The following CHRDL1 variants were observed in gnomAD, a reference collection of about 807,000 sequenced individuals.
The protein encoded by CHRDL1 is chordin like 1.
CHRDL1 carries 19 observed loss-of-function variants against 40.9 expected under a neutral mutation model. That is an observed-to-expected ratio of 0.46 (90% confidence interval 0.32 to 0.68). The LOEUF (loss-of-function observed/expected upper bound fraction) is 0.68, where lower values mean the gene tolerates loss of function less well. CHRDL1 is among the 30% of genes least tolerant of loss of function. The pLI, the probability that CHRDL1 is intolerant of heterozygous loss-of-function variation, is 0.03. For missense variants in CHRDL1, 329 were observed against 352.1 expected (o/e 0.93, Z 0.53); for synonymous variants, 136 against 123.4 (o/e 1.10, Z -0.68).
intron 4 of CHRDL1, among the ~76,000 whole-genome samples, chrX:110,745,259 G>T (rs771706157): frequency 4.7e-4 from 53 of 111,650 alleles, no homozygotes; most frequent in Non-Finnish European, 6.8e-4. Flanking sequence ...GGCTGGGAGA[G>T]AGATGAGGAT....
intron 1 of CHRDL1, among the ~76,000 whole-genome samples, chrX:110,794,724 C>T (rs1331844742): frequency 8.9e-6 from 1 of 112,277 alleles, no homozygotes; most frequent in African/African-American, 3.2e-5. Flanking sequence ...AAAGAGACAT[C>T]CCCACAGGAA....
At chrX:110,704,691 G>A (rs374045800) in intron 6 of CHRDL1, among the ~76,000 whole-genome samples, 1 of 111,614 alleles carries the variant, frequency 9.0e-6, no homozygotes, top group Non-Finnish European at 1.9e-5. Flanking sequence ...GCAGGGATGA[G>A]CTTAGATTTA....
At chrX:110,739,687 A>G (rs1461873229) in intron 4 of CHRDL1, among the ~76,000 whole-genome samples, 2 of 112,120 alleles carry the variant, frequency 1.8e-5, no homozygotes, top group Admixed American at 1.9e-4. Context: ...TATCCCAACT[A>G]ATTATTTTGT....
chrX:110,721,645 G>A (rs1020981734), intron 4 of CHRDL1, 115 bp from the exon 5 acceptor site: 8 of 557,850 alleles, frequency 1.4e-5, no homozygotes, highest in South Asian at 9.2e-5. Flanking sequence ...GACAGTCCCC[G>A]CTCCAGTGAC....
chrX:110,721,971 T>C (rs2070964884), intron 4 of CHRDL1, among the ~76,000 whole-genome samples: 1 of 112,108 alleles, frequency 8.9e-6, no homozygotes, highest in South Asian at 3.7e-4. Flanking sequence ...GACCCATCTA[T>C]TATACTGCCC....
chrX:110,697,868 A>G (rs12833323), intron 7 of CHRDL1, among the ~76,000 whole-genome samples: 36 of 97,183 alleles, frequency 3.7e-4, no homozygotes, highest in African/African-American at 1.7e-3. Context: ...ACACACACAC[A>G]CACACACACA....
chrX:110,713,917 G>A (rs1359537835), intron 6 of CHRDL1, among the ~76,000 whole-genome samples: 2 of 111,190 alleles, frequency 1.8e-5, no homozygotes, highest in Non-Finnish European at 3.8e-5. Context: ...AGCCTTCCCT[G>A]TTGTTTTGGC....
chrX:110,777,661 G>C (rs2089873749), intron 2 of CHRDL1, among the ~76,000 whole-genome samples: 1 of 111,315 alleles, frequency 9.0e-6, no homozygotes, highest in East Asian at 2.8e-4. Context: ...TCTTGGGTGA[G>C]GTGTCTGCTA....
chrX:110,690,607 T>C (rs1264444034), intron 8 of CHRDL1, among the ~76,000 whole-genome samples: 2 of 110,861 alleles, frequency 1.8e-5, no homozygotes, highest in Non-Finnish European at 3.8e-5. Context: ...TCAAATGCTA[T>C]GAGTCTGTCT....
At chrX:110,732,968 C>T (rs988399530) in intron 4 of CHRDL1, among the ~76,000 whole-genome samples, 1 of 111,815 alleles carries the variant, frequency 8.9e-6, no homozygotes, top group Non-Finnish European at 1.9e-5. Context: ...TTATAAAGAA[C>T]AAAAATGATT....
At chrX:110,759,817 G>T in intron 3 of CHRDL1, 63 bp from the exon 4 acceptor site, 2 of 834,157 alleles carry the variant, frequency 2.4e-6, no homozygotes, top group East Asian at 6.2e-5. Context: ...GATCAAGCCA[G>T]TTTGGGAAAC....
intron 3 of CHRDL1, among the ~76,000 whole-genome samples, chrX:110,762,339 T>C (rs73528262): frequency 0.025 from 2,767 of 111,790 alleles, 86 homozygotes; most frequent in African/African-American, 0.085. Context: ...TGCAGTGGTA[T>C]AATCTCGGTT....
At chrX:110,761,019 C>A (rs1164020918) in intron 3 of CHRDL1, among the ~76,000 whole-genome samples, 6 of 111,355 alleles carry the variant, frequency 5.4e-5, no homozygotes, top group African/African-American at 2.0e-4. Flanking sequence ...ATGATGATAA[C>A]CACAATGATA....
intron 7 of CHRDL1, among the ~76,000 whole-genome samples, chrX:110,695,410 A>C (rs1313528605): frequency 1.8e-5 from 2 of 111,007 alleles, no homozygotes; most frequent in African/African-American, 6.7e-5. Flanking sequence ...TTGTCATACA[A>C]GTAATCTTTC....
rs150906941 is a variant in CHRDL1, at chrX:110,780,103, A to T, written c.94+11985T>A. Among the ~76,000 whole-genome samples the T allele has an allele frequency of 8.7e-3, 970 of 111,355 alleles. 13 individuals carry two copies. The highest frequency in any genetic ancestry group is 0.029 in the African/African-American group (884 of 30,865). On this transcript the variant is annotated intron_variant, in intron 2 of 11. Coordinates refer to ENST00000372042, the MANE Select transcript of CHRDL1 (RefSeq NM_001143981.2). ...TGTTGTTGATCCCTTGGGATTTTCT[A>T]TGCAGAAAAACATGTCATCTATGAA... is the stretch of plus-strand genomic sequence containing the variant.
At chrX:110,761,744 C>T (rs2089567430) in intron 3 of CHRDL1, among the ~76,000 whole-genome samples, 1 of 112,390 alleles carries the variant, frequency 8.9e-6, no homozygotes, top group Non-Finnish European at 1.9e-5. Context: ...CATATAATGG[C>T]AGAGGTTTGT....
intron 4 of CHRDL1, among the ~76,000 whole-genome samples, chrX:110,737,047 C>A (rs1424280482): frequency 8.9e-6 from 1 of 112,050 alleles, no homozygotes; most frequent in African/African-American, 3.2e-5. Context: ...GATAAAATAG[C>A]CACCTATTTC....
At chrX:110,703,727 G>A (rs983008585) in intron 6 of CHRDL1, among the ~76,000 whole-genome samples, 6 of 112,055 alleles carry the variant, frequency 5.4e-5, no homozygotes, top group African/African-American at 9.7e-5. Context: ...AGATGTAATC[G>A]TAGAAAGCTT....
At chrX:110,758,130 C>CAA (rs1165155426) in intron 4 of CHRDL1, among the ~76,000 whole-genome samples, 1 of 82,818 alleles carries the variant, frequency 1.2e-5, no homozygotes, top group African/African-American at 4.2e-5. Context: ...AACAAAAAAA[C>CAA]AAAAAAAAAA....
Sources: gnomAD v4.1 joint callset for allele counts (sites outside exome capture counted in the v4.1 genomes callset) on GRCh38, gnomAD v4.1.1 for gene constraint, MANE v1.5 for transcripts, NCBI Gene and HGNC (gene_info 2026-07-23, HGNC 2026-07-21) for gene names.